TMEM144: variants seen among roughly 807,000 people sequenced by gnomAD.
TMEM144 encodes the protein transmembrane protein 144.
TMEM144 carries 39 observed loss-of-function variants against 43.6 expected under a neutral mutation model. That is an observed-to-expected ratio of 0.90 (90% CI 0.69 to 1.17). TMEM144 has a LOEUF of 1.17. Among genes scored for constraint, TMEM144 ranks in the 50% most tolerant of loss-of-function variants. The probability of loss-of-function intolerance (pLI) is 0.00; values close to 1 mark genes in which losing one functional copy is unlikely to be tolerated. For synonymous variants in TMEM144, 154 were observed against 133.6 expected, an observed-to-expected ratio of 1.15 and a Z score of -1.06; for missense variants, 417 against 411.9, an observed-to-expected ratio of 1.01 and a Z score of -0.11.
chr4:158,226,002 T>C (rs1734746551), intron 6 of TMEM144, among the ~76,000 whole-genome samples: 1 of 152,198 alleles, frequency 6.6e-6, no homozygotes, highest in African/African-American at 2.4e-5. Context: ...AGGACCACCT[T>C]AGTGGAGCGG....
intron 6 of TMEM144, among the ~76,000 whole-genome samples, chr4:158,231,370 C>T (rs1435065483): frequency 6.6e-6 from 1 of 152,136 alleles, no homozygotes; most frequent in Non-Finnish European, 1.5e-5. Flanking sequence ...TCTGAGGCTG[C>T]TTCTGAGGCC....
chr4:158,244,151 G>A (rs1735761958), intron 11 of TMEM144, 145 bp from the exon 12 acceptor site: 2 of 416,062 alleles, frequency 4.8e-6, no homozygotes, highest in South Asian at 8.1e-5. Context: ...ATCACCTAAA[G>A]TTTAGCTTAG....
At chr4:158,219,694 T>G (rs980692404) in intron 6 of TMEM144, among the ~76,000 whole-genome samples, 6 of 152,222 alleles carry the variant, frequency 3.9e-5, no homozygotes, top group African/African-American at 1.2e-4. Context: ...TCAATGAGAA[T>G]CATATATTTT....
intron 6 of TMEM144, among the ~76,000 whole-genome samples, chr4:158,219,797 C>T (rs1051023100): frequency 3.3e-5 from 5 of 152,196 alleles, no homozygotes; most frequent in African/African-American, 1.2e-4. Context: ...GTACTACTCA[C>T]TTCCTATCTC....
Position 158,235,502 on chromosome 4 carries a change from T to C in TMEM144, c.560T>C (p.Ile187Thr). The change falls in exon 8 of 13, where the codon ATA (isoleucine) becomes ACA (threonine). Residue 187 changes from isoleucine (I) to threonine (T), a missense_variant. Physicochemically the swap from Ile to Thr is moderately conservative, Grantham distance 89. Coordinates refer to ENST00000296529, the MANE Select transcript of TMEM144 (RefSeq NM_018342.5). ...AAACTTTCTACAGTACACCACCGCA[T>C]AGTGTAAGGAGAGGTTACTTCTTTG... ...VDKLSTVHHR[I>T]VGCSLAVISG... 6.2e-7 allele frequency: 1 copy of C among 1,613,244 alleles called. No individual in the cohort carries two copies. Among genetic ancestry groups the C allele is most frequent in the Non-Finnish European group, 8.5e-7 (1 of 1,179,508 alleles).
rs202124872 is a variant in TMEM144, at chr4:158,225,586, A to AT, written c.413+6203dup. Among the ~76,000 whole-genome samples the AT allele has an allele frequency of 5.2e-3, 798 of 152,112 alleles. 4 individuals carry two copies. Among genetic ancestry groups the AT allele is most frequent in the Non-Finnish European group, 6.0e-3 (406 of 67,986 alleles). On this transcript the variant is annotated intron_variant, in intron 6 of 12. Coordinates refer to ENST00000296529, the MANE Select transcript of TMEM144 (RefSeq NM_018342.5). The stretch of plus-strand genomic sequence containing the variant: ...GGCTTCTCTCACTTTACGATGTCTT[A>AT]TTTTTTTCTCCTTCTGGTTGATGAA...
At chr4:158,221,579 A>G (rs1426232879) in intron 6 of TMEM144, among the ~76,000 whole-genome samples, 1 of 152,220 alleles carries the variant, frequency 6.6e-6, no homozygotes, top group East Asian at 1.9e-4. Context: ...ATAACAAGAC[A>G]GATGTCCTTT....
intron 12 of TMEM144, among the ~76,000 whole-genome samples, chr4:158,251,957 G>A (rs1216982109): frequency 6.6e-6 from 1 of 152,086 alleles, no homozygotes; most frequent in Non-Finnish European, 1.5e-5. Context: ...TAGACAAAAT[G>A]GCAGTCATTC....
At chr4:158,240,781 G>C (rs183293900) in intron 10 of TMEM144, among the ~76,000 whole-genome samples, 1,557 of 152,180 alleles carry the variant, frequency 0.01, 14 homozygotes, top group Non-Finnish European at 0.014. Context: ...TCAACAAATA[G>C]GAATATGCAG....
intron 6 of TMEM144, among the ~76,000 whole-genome samples, chr4:158,223,837 T>G (rs183145576): frequency 2.6e-5 from 4 of 152,368 alleles, no homozygotes; most frequent in Admixed American, 2.6e-4. Flanking sequence ...GTTGGTTTCA[T>G]GACTTTGCTA....
intron 8 of TMEM144, among the ~76,000 whole-genome samples, chr4:158,236,455 A>T (rs921345185): frequency 1.3e-5 from 2 of 152,156 alleles, no homozygotes; most frequent in Admixed American, 6.5e-5. Context: ...AGCTAGGCTT[A>T]GTCTATTAGT....
chr4:158,250,299 A>C (rs1008451280), intron 12 of TMEM144, among the ~76,000 whole-genome samples: 2 of 151,214 alleles, frequency 1.3e-5, no homozygotes, highest in Non-Finnish European at 2.9e-5. Context: ...CAGTTTTCAC[A>C]TTCCCTCCAT....
intron 6 of TMEM144, among the ~76,000 whole-genome samples, chr4:158,224,129 T>G (rs1413708900): frequency 6.6e-6 from 1 of 152,226 alleles, no homozygotes; most frequent in Non-Finnish European, 1.5e-5. Flanking sequence ...TGGTATCTCA[T>G]TGTGGTTTTG....
chr4:158,228,976 G>A (rs1396976579), intron 6 of TMEM144, among the ~76,000 whole-genome samples: 3 of 152,054 alleles, frequency 2.0e-5, no homozygotes, highest in South Asian at 2.1e-4. Flanking sequence ...TGCATGCACC[G>A]GTAATCAGAA....
chr4:158,246,525 T>C (rs567873892), intron 12 of TMEM144, among the ~76,000 whole-genome samples: 2 of 152,286 alleles, frequency 1.3e-5, no homozygotes, highest in Admixed American at 6.5e-5. Context: ...GTTTCAAAAA[T>C]ATGTGGACTA....
intron 5 of TMEM144, among the ~76,000 whole-genome samples, chr4:158,218,321 A>C (rs1337363079): frequency 6.6e-6 from 1 of 152,156 alleles, no homozygotes; most frequent in Non-Finnish European, 1.5e-5. Flanking sequence ...GTCAGCATTA[A>C]GATTAACATT....
At chr4:158,236,749 A>T (rs1421522426) in intron 8 of TMEM144, among the ~76,000 whole-genome samples, 2 of 151,824 alleles carry the variant, frequency 1.3e-5, no homozygotes, top group Non-Finnish European at 2.9e-5. Context: ...GCAGTGGCAA[A>T]GTGCTGGGAT....
At chr4:158,229,030 A>T (rs1159410985) in intron 6 of TMEM144, among the ~76,000 whole-genome samples, 1 of 151,984 alleles carries the variant, frequency 6.6e-6, no homozygotes, top group Non-Finnish European at 1.5e-5. Context: ...CTTTCCATAC[A>T]ATGTCTGGAA....
chr4:158,244,417 G>T, intron 12 of TMEM144, 68 bp downstream of exon 12: 3 of 1,343,594 alleles, frequency 2.2e-6, no homozygotes, highest in South Asian at 1.2e-5. Context: ...GCTCACGCTT[G>T]TCCTGGCACT....
Sources: gnomAD v4.1 joint callset for allele counts (sites outside exome capture counted in the v4.1 genomes callset) on GRCh38, gnomAD v4.1.1 for gene constraint, MANE v1.5 for transcripts, NCBI Gene and HGNC (gene_info 2026-07-23, HGNC 2026-07-21) for gene names.